Variants in TENM3 observed in about 807,000 individuals in gnomAD.
The protein encoded by TENM3 is teneurin-3.
A neutral mutation model predicts 255.1 loss-of-function variants in TENM3; 63 were observed. The observed-to-expected ratio is 0.25, with a 90% CI of 0.20 to 0.30. The LOEUF (loss-of-function observed/expected upper bound fraction) is 0.30, where lower values mean the gene tolerates loss of function less well. TENM3 is among the 10% of genes least tolerant of loss of function. TENM3 has a pLI of 1.00. For missense variants in TENM3, 2,929 were observed against 3,461.1 expected (o/e 0.85, Z 3.86); for synonymous variants, 1,306 against 1,322.3 (o/e 0.99, Z 0.27).
the TENM3 span, among the ~76,000 whole-genome samples, chr4:181,905,265 T>C: frequency 6.6e-6 from 1 of 152,206 alleles, no homozygotes; most frequent in African/African-American, 2.4e-5. Flanking sequence ...CACTTACTGG[T>C]GGTAAGCCTT....
At chr4:181,938,451 C>A in the TENM3 span, among the ~76,000 whole-genome samples, 2 of 152,170 alleles carry the variant, frequency 1.3e-5, no homozygotes, top group East Asian at 3.9e-4. Flanking sequence ...AGATAATACA[C>A]AACAAGCATA....
In TENM3 at chr4:182,287,215, G is replaced by A. The variant is rs141695798; in HGVS notation, c.-75-36731G>A. Among the ~76,000 whole-genome samples, 190 of 152,264 alleles carry A rather than the reference G, an allele frequency of 1.2e-3. 2 individuals are homozygous for A. The highest frequency in any genetic ancestry group is 4.3e-3 in the African/African-American group (178 of 41,548). ...TGCACTCCAGCTTGGGTGACAGAGC[G>A]AGACTCCGTCTCTAATAAATAAACT... On this transcript the variant is annotated intron_variant, in intron 1 of 27. Coordinates refer to ENST00000511685, the MANE Select transcript of TENM3 (RefSeq NM_001080477.4).
chr4:182,527,891 C>A (rs2151823741), intron 3 of TENM3, among the ~76,000 whole-genome samples: 1 of 152,116 alleles, frequency 6.6e-6, no homozygotes, highest in African/African-American at 2.4e-5. Flanking sequence ...CCACGCCCGG[C>A]TAATTTTTGT....
intron 3 of TENM3, among the ~76,000 whole-genome samples, chr4:182,512,829 C>T (rs1737559957): frequency 6.6e-6 from 1 of 152,084 alleles, no homozygotes; most frequent in South Asian, 2.1e-4. Context: ...AGTAAAATTG[C>T]TATAGGCTAA....
chr4:181,817,177 A>C, the TENM3 span, among the ~76,000 whole-genome samples: 2 of 152,188 alleles, frequency 1.3e-5, no homozygotes, highest in Non-Finnish European at 2.9e-5. Context: ...GTTTAGGATT[A>C]CTTTAAATTG....
chr4:182,413,594 C>A (rs1295275008), intron 3 of TENM3, among the ~76,000 whole-genome samples: 1 of 149,728 alleles, frequency 6.7e-6, no homozygotes, highest in Non-Finnish European at 1.5e-5. Context: ...CCAGCCTGGG[C>A]AACAGAGTGA....
intron 3 of TENM3, among the ~76,000 whole-genome samples, chr4:182,414,649 A>T (rs1770236891): frequency 6.6e-6 from 1 of 152,232 alleles, no homozygotes; most frequent in African/African-American, 2.4e-5. Flanking sequence ...AAACTTGCAT[A>T]GAAATGTAGT....
At chr4:182,176,119 C>T (rs1245998512) in intron 1 of TENM3, among the ~76,000 whole-genome samples, 2 of 149,526 alleles carry the variant, frequency 1.3e-5, no homozygotes, top group African/African-American at 5.0e-5. Flanking sequence ...TTTAAGGTCA[C>T]ATACTGTTAG....
the TENM3 span, among the ~76,000 whole-genome samples, chr4:182,036,814 A>G: frequency 2.0e-5 from 3 of 152,148 alleles, no homozygotes; most frequent in East Asian, 5.8e-4. Flanking sequence ...AATTACTTAA[A>G]TACTTCTCAG....
chr4:181,934,989 C>A, the TENM3 span, among the ~76,000 whole-genome samples: 1 of 152,180 alleles, frequency 6.6e-6, no homozygotes, highest in Non-Finnish European at 1.5e-5. Context: ...GATTCTGCTT[C>A]TTCCCTGAGA....
At chr4:182,112,210 T>C in the TENM3 span, among the ~76,000 whole-genome samples, 1 of 152,136 alleles carries the variant, frequency 6.6e-6, no homozygotes, top group Admixed American at 6.5e-5. Context: ...ATATTGGACT[T>C]TTTATTGACC....
At chr4:181,658,923 G>T in the TENM3 span, among the ~76,000 whole-genome samples, 3 of 152,138 alleles carry the variant, frequency 2.0e-5, no homozygotes, top group African/African-American at 7.2e-5. Context: ...CATTCTGCCA[G>T]AGACATTCGA....
At chr4:181,575,225 A>C in the TENM3 span, among the ~76,000 whole-genome samples, 13 of 152,130 alleles carry the variant, frequency 8.5e-5, no homozygotes, top group African/African-American at 3.1e-4. Context: ...GGAAATTTAG[A>C]AGCTCTACAT....
At chr4:181,508,468 G>A in the TENM3 span, among the ~76,000 whole-genome samples, 2 of 152,224 alleles carry the variant, frequency 1.3e-5, no homozygotes, top group African/African-American at 4.8e-5. Context: ...CTTACAAGCA[G>A]TATTTTAAGG....
At chr4:182,161,415 CAAAAA>C (rs70954290) in intron 1 of TENM3, among the ~76,000 whole-genome samples, 2 of 43,832 alleles carry the variant, frequency 4.6e-5, no homozygotes, top group African/African-American at 1.0e-4. Context: ...GACTCCGTCT[CAAAAA>C]AAAAAAAAAA....
At chr4:182,373,732 CA>C (rs1766997652) in intron 3 of TENM3, among the ~76,000 whole-genome samples, 1 of 152,132 alleles carries the variant, frequency 6.6e-6, no homozygotes, top group African/African-American at 2.4e-5. Flanking sequence ...GCCTCTGAAC[CA>C]AGACTTGAAG....
intron 19 of TENM3, among the ~76,000 whole-genome samples, chr4:182,746,154 C>G (rs1220603107): frequency 6.6e-6 from 1 of 152,178 alleles, no homozygotes. Context: ...GCAGAGGAGA[C>G]AAGGTATATA....
At chr4:182,536,548 CT>C (rs1415152054) in intron 3 of TENM3, among the ~76,000 whole-genome samples, 1 of 152,136 alleles carries the variant, frequency 6.6e-6, no homozygotes, top group Non-Finnish European at 1.5e-5. Context: ...AAAGTACACA[CT>C]TTTTTTTCTT....
chr4:181,841,048 A>C, the TENM3 span, among the ~76,000 whole-genome samples: 8 of 152,118 alleles, frequency 5.3e-5, no homozygotes, highest in African/African-American at 1.9e-4. Flanking sequence ...TAGTTCAATC[A>C]GGGTTCTCCT....
Sources: gnomAD v4.1 joint callset for allele counts (sites outside exome capture counted in the v4.1 genomes callset) on GRCh38, gnomAD v4.1.1 for gene constraint, MANE v1.5 for transcripts, NCBI Gene and HGNC (gene_info 2026-07-23, HGNC 2026-07-21) for gene names.